MCEMP1: variants seen among roughly 807,000 people sequenced by gnomAD.
MCEMP1 encodes mast cell expressed membrane protein 1, also known as mast cell-expressed membrane protein 1.
A neutral mutation model predicts 27.9 loss-of-function variants in MCEMP1; 17 were observed. The ratio of observed to expected loss-of-function variants is 0.61; its 90% CI spans 0.42 to 0.91. The LOEUF (loss-of-function observed/expected upper bound fraction) is 0.91. MCEMP1 is among the 40% of genes least tolerant of loss of function. MCEMP1 has a pLI of 0.00. For missense variants in MCEMP1, 200 were observed against 204.8 expected, an observed-to-expected ratio of 0.98 and a Z score of 0.14; for synonymous variants, 88 against 76.9, an observed-to-expected ratio of 1.14 and a Z score of -0.76.
Position 7,677,527 on chromosome 19 carries a change from C to A in MCEMP1, c.56-110C>A. The A allele has an allele frequency of 1.8e-6, 2 of 1,133,342 alleles. No individual in the cohort carries two copies. The highest frequency in any genetic ancestry group is 1.3e-6 in the Non-Finnish European group (1 of 750,618). 70.2% of individuals were successfully genotyped at this position (1,133,342 alleles called of 1,614,324 possible). A position where few individuals can be genotyped will look rare whatever the true frequency, so the allele number is the denominator to read the frequency against. ...AAAAGCAGATTTTAGCTTCTCACTC[C>A]TTATCTTTCACCCCCTACAATTTAT... On this transcript the variant is annotated intron_variant, in intron 1 of 6. Transcript: ENST00000333598. The surrounding 1 kb of genome is among the most constrained non-coding windows in gnomAD (Gnocchi z 4.6).
At position 7,679,193 on chromosome 19, in the gene MCEMP1, C is replaced by A. The variant is rs868184113; in HGVS notation, c.*79C>A. On this transcript the variant is annotated 3_prime_UTR_variant, in exon 7 of 7. Transcript: ENST00000333598. The surrounding 1 kb of genome is among the most constrained non-coding windows in gnomAD (Gnocchi z 4.9). The stretch of plus-strand genomic sequence containing the variant: ...TGCCAACGAAGACGGGAAATGACCC[C>A]CCCCCCCCAGCCTAGTGTGAACCTG... 2.0e-3 allele frequency: 2,750 copies of A among 1,370,176 alleles called. 26 individuals are homozygous for A. The African/African-American group carries it at 0.029, about 15-fold the overall frequency. 84.9% of individuals were successfully genotyped at this position (1,370,176 alleles called of 1,614,324 possible).
chr19:7,678,433 T>C lies in MCEMP1; in HGVS notation c.334+33T>C, dbSNP rs755194931. The C allele has an allele frequency of 6.2e-7, 1 of 1,613,572 alleles. No homozygotes were observed. The highest frequency in any genetic ancestry group is 8.5e-7 in the Non-Finnish European group (1 of 1,179,846). On this transcript the variant is annotated intron_variant, in intron 4 of 6. Transcript: ENST00000333598. The surrounding 1 kb of genome is among the most constrained non-coding windows in gnomAD (Gnocchi z 4.8). ...GAGGGTCTGAGGGAGACCCGTGGGG[T>C]CATGGTGGGGGTCTGGAGAGGGATG...
Position 7,677,196 on chromosome 19 carries a change from AG to A in MCEMP1, c.55+24del. ...TCAAGGTTAGGGAACTCGAGGTGGA[AG>A]GGAGGGGTTAAGAAGGAGAGATTGG... On this transcript the variant is annotated intron_variant, in intron 1 of 6. Coordinates refer to ENST00000333598, the MANE Select transcript of MCEMP1 (RefSeq NM_174918.3). The surrounding 1 kb of genome is among the most constrained non-coding windows in gnomAD (Gnocchi z 4.6). The A allele has an allele frequency of 1.9e-6, 3 of 1,560,594 alleles. No individual in the cohort carries two copies. The highest frequency in any genetic ancestry group is 2.6e-6 in the Non-Finnish European group (3 of 1,149,526).
Position 7,677,976 on chromosome 19 carries a change from C to A in MCEMP1, c.146-128C>A. ...GTGGCAGTGTTGTTGACGATGATGA[C>A]AAGCTGCATGACCACAGCTGCTGAT... On this transcript the variant is annotated intron_variant, in intron 2 of 6. Coordinates refer to ENST00000333598, the MANE Select transcript of MCEMP1 (RefSeq NM_174918.3). This position sits in a 1 kb window ranked among gnomAD's most constrained non-coding sequence, Gnocchi z 4.6. 1 of 1,389,506 alleles carries A rather than the reference C, an allele frequency of 7.2e-7. No individual in the cohort carries two copies. Among genetic ancestry groups the A allele is most frequent in the Non-Finnish European group, 9.7e-7 (1 of 1,027,128 alleles). 86.1% of individuals were successfully genotyped at this position (1,389,506 alleles called of 1,614,324 possible). A position where few individuals can be genotyped will look rare whatever the true frequency, so the allele number is the denominator to read the frequency against.
chr19:7,677,429 ATGTGTGGATGTG>A lies in MCEMP1; in HGVS notation c.56-188_56-177del, dbSNP rs1415991744. On this transcript the variant is annotated intron_variant, in intron 1 of 6. Coordinates refer to ENST00000333598, the MANE Select transcript of MCEMP1 (RefSeq NM_174918.3). This position sits in a 1 kb window ranked among gnomAD's most constrained non-coding sequence, Gnocchi z 4.6. ...GGCCGGGGGCTCCTTCCCCTCCAAG[ATGTGTGGATGTG>A]TGTGTGGATGTGTGTGTGGTGTGAT... Among the ~76,000 whole-genome samples the A allele has an allele frequency of 6.9e-6, 1 of 145,654 alleles. No individual in the cohort carries two copies. The highest frequency in any genetic ancestry group is 2.6e-5 in the African/African-American group (1 of 38,910).
Position 7,677,555 on chromosome 19 carries a change from A to G in MCEMP1, c.56-82A>G, listed in dbSNP as rs751631947. The G allele has an allele frequency of 2.3e-6, 3 of 1,307,136 alleles. No individual in the cohort carries two copies. The highest frequency in any genetic ancestry group is 3.3e-6 in the Non-Finnish European group (3 of 904,468). The allele number at this position is 1,307,136 out of a possible 1,614,324, so 81.0% of individuals were successfully genotyped here. ...ATCTTTCACCCCCTACAATTTATTG[A>G]GTGCAAAGGGTTGGGTAAAACAAGA... On this transcript the variant is annotated intron_variant, in intron 1 of 6. Transcript: ENST00000333598. This position sits in a 1 kb window ranked among gnomAD's most constrained non-coding sequence, Gnocchi z 4.6.
Position 7,678,706 on chromosome 19 carries a change from C to A in MCEMP1, c.448+102C>A. 1.6e-6 allele frequency: 2 copies of A among 1,254,204 alleles called. No individual in the cohort carries two copies. Among genetic ancestry groups the A allele is most frequent in the Non-Finnish European group, 2.3e-6 (2 of 878,484 alleles). The allele number at this position is 1,254,204 out of a possible 1,614,324, so 77.7% of individuals were successfully genotyped here. A position where few individuals can be genotyped will look rare whatever the true frequency, so the allele number is the denominator to read the frequency against. On this transcript the variant is annotated intron_variant, in intron 5 of 6. Coordinates refer to ENST00000333598, the MANE Select transcript of MCEMP1 (RefSeq NM_174918.3). This position sits in a 1 kb window ranked among gnomAD's most constrained non-coding sequence, Gnocchi z 4.8. ...GGGGAGGAGAAAGCCGGGGTCCTAC[C>A]CTCCCAAAGCTCAAGTTGTGGAGGG...
chr19:7,677,241 T>C lies in MCEMP1; in HGVS notation c.55+66T>C. 7.1e-7 allele frequency: 1 copy of C among 1,405,474 alleles called. No individual in the cohort carries two copies. The highest frequency in any genetic ancestry group is 9.8e-7 in the Non-Finnish European group (1 of 1,018,636). The allele number at this position is 1,405,474 out of a possible 1,614,324, so 87.1% of individuals were successfully genotyped here. A position where few individuals can be genotyped will look rare whatever the true frequency, so the allele number is the denominator to read the frequency against. On this transcript the variant is annotated intron_variant, in intron 1 of 6. Coordinates refer to ENST00000333598, the MANE Select transcript of MCEMP1 (RefSeq NM_174918.3). This position sits in a 1 kb window ranked among gnomAD's most constrained non-coding sequence, Gnocchi z 4.6. ...AGATTGGGGGGCCGGGGGCTTTTGC[T>C]CATGTCTGTAATCCTAGCACTTTGG...
chr19:7,678,473 CCT>C lies in MCEMP1; in HGVS notation c.335-17_335-16del. On this transcript the variant is annotated splice_polypyrimidine_tract_variant and intron_variant, in intron 4 of 6. Coordinates refer to ENST00000333598, the MANE Select transcript of MCEMP1 (RefSeq NM_174918.3). This position sits in a 1 kb window ranked among gnomAD's most constrained non-coding sequence, Gnocchi z 4.8. Reference sequence around the variant, plus strand: ...GGAGAGGGATGGATGCACAGACACCCCTGTTTCATGCCCTCAGTCTCAAACTC... The same window carrying C: ...GGAGAGGGATGGATGCACAGACACCCGTTTCATGCCCTCAGTCTCAAACTC... 1.2e-6 allele frequency: 2 copies of C among 1,613,708 alleles called. No individual in the cohort carries two copies. The highest frequency in any genetic ancestry group is 1.7e-6 in the Non-Finnish European group (2 of 1,179,698).
Position 7,677,724 on chromosome 19 carries a change from A to T in MCEMP1, c.143A>T (p.Gln48Leu). 6.2e-7 allele frequency: 1 copy of T among 1,603,160 alleles called. No individual in the cohort carries two copies. Among genetic ancestry groups the T allele is most frequent in the East Asian group, 2.2e-5 (1 of 44,838 alleles). The change falls in exon 2 of 7, where the codon CAA becomes CTA. Residue 48 changes from glutamine (Q) to leucine (L), a missense_variant and splice_region_variant. Physicochemically the swap from Gln to Leu is moderately radical, Grantham distance 113. Transcript: ENST00000333598. The surrounding 1 kb of genome is among the most constrained non-coding windows in gnomAD (Gnocchi z 4.6). ...AKGGHSRPTS[Q>L]VPAQCRPPSD... ...GGTGGTCATTCACGACCCACGAGCC[A>T]AGGTGAGCAGACACCCACCTGCTCA...
In MCEMP1 at chr19:7,679,132, C is replaced by T. The variant is rs1350002645; in HGVS notation, c.*18C>T. The T allele has an allele frequency of 3.2e-6, 5 of 1,585,448 alleles. No homozygotes were observed. The highest frequency in any genetic ancestry group is 2.3e-5 in the East Asian group (1 of 44,182). ...CTCAATAAATGAGAGGACATTGTGG[C>T]AGCCAAAGCCACAACTTGGAAGATG... On this transcript the variant is annotated 3_prime_UTR_variant, in exon 7 of 7. Coordinates refer to ENST00000333598, the MANE Select transcript of MCEMP1 (RefSeq NM_174918.3). The surrounding 1 kb of genome is among the most constrained non-coding windows in gnomAD (Gnocchi z 4.9).
rs1028517934 is a variant in MCEMP1, at chr19:7,678,685, A to G, written c.448+81A>G. ...GAGCTGGGGGCAGGGGATTCAGGGGAGGAGAAAGCCGGGGTCCTACCCTCC... is the reference window on the plus strand; with the variant it reads ...GAGCTGGGGGCAGGGGATTCAGGGGGGGAGAAAGCCGGGGTCCTACCCTCC... On this transcript the variant is annotated intron_variant, in intron 5 of 6. Coordinates refer to ENST00000333598, the MANE Select transcript of MCEMP1 (RefSeq NM_174918.3). The surrounding 1 kb of genome is among the most constrained non-coding windows in gnomAD (Gnocchi z 4.8). 1.4e-5 allele frequency: 19 copies of G among 1,397,714 alleles called. No individual in the cohort carries two copies. Among genetic ancestry groups the G allele is most frequent in the Non-Finnish European group, 1.9e-5 (19 of 998,828 alleles). 86.6% of individuals were successfully genotyped at this position (1,397,714 alleles called of 1,614,324 possible). A position where few individuals can be genotyped will look rare whatever the true frequency, so the allele number is the denominator to read the frequency against.
rs2146254457 is a variant in MCEMP1 at position 7,677,921 on chromosome 19, A to T, written c.146-183A>T. On this transcript the variant is annotated intron_variant, in intron 2 of 6. Coordinates refer to ENST00000333598, the MANE Select transcript of MCEMP1 (RefSeq NM_174918.3). This position sits in a 1 kb window ranked among gnomAD's most constrained non-coding sequence, Gnocchi z 4.6. ...GCTGGAGAGGGGGTCTGTGATGGTG[A>T]CGGTGTTAGATCGCTGAGGGTGGCT... 2 of 1,077,340 alleles carry T rather than the reference A, an allele frequency of 1.9e-6. No individual in the cohort carries two copies. Among genetic ancestry groups the T allele is most frequent in the East Asian group, 2.4e-5 (1 of 41,958 alleles). The allele number at this position is 1,077,340 out of a possible 1,614,324, so 66.7% of individuals were successfully genotyped here.
chr19:7,678,094 T>A lies in MCEMP1; in HGVS notation c.146-10T>A. 6.3e-7 allele frequency: 1 copy of A among 1,583,756 alleles called. No homozygotes were observed. Among genetic ancestry groups the A allele is most frequent in the Non-Finnish European group, 8.6e-7 (1 of 1,167,398 alleles). ...CCCCTCAAGGTCACTTTGCTGCCTC[T>A]TTGCTCCAGTCCCAGCCCAGTGCAG... On this transcript the variant is annotated splice_polypyrimidine_tract_variant and intron_variant, in intron 2 of 6. Coordinates refer to ENST00000333598, the MANE Select transcript of MCEMP1 (RefSeq NM_174918.3). The surrounding 1 kb of genome is among the most constrained non-coding windows in gnomAD (Gnocchi z 4.8).
rs2032593885 is a variant in MCEMP1 at position 7,679,247 on chromosome 19, G to A, written c.*133G>A. ...CTCGTCCCACGTATAGAAAAACCTC[G>A]AGTCATGGTGAATGAGTGTCTCGGA... is the stretch of plus-strand genomic sequence containing the variant. On this transcript the variant is annotated 3_prime_UTR_variant, in exon 7 of 7. Transcript: ENST00000333598. This position sits in a 1 kb window ranked among gnomAD's most constrained non-coding sequence, Gnocchi z 4.9. 7.1e-6 allele frequency: 8 copies of A among 1,125,884 alleles called. No homozygotes were observed. Among genetic ancestry groups the A allele is most frequent in the South Asian group, 3.3e-5 (2 of 60,988 alleles). The allele number at this position is 1,125,884 out of a possible 1,614,324, so 69.7% of individuals were successfully genotyped here.
Position 7,677,569 on chromosome 19 carries a change from G to A in MCEMP1, c.56-68G>A. On this transcript the variant is annotated intron_variant, in intron 1 of 6. Transcript: ENST00000333598. This position sits in a 1 kb window ranked among gnomAD's most constrained non-coding sequence, Gnocchi z 4.6. The stretch of plus-strand genomic sequence containing the variant: ...ACAATTTATTGAGTGCAAAGGGTTG[G>A]GTAAAACAAGATCCCGGATCCACTC... The A allele has an allele frequency of 1.4e-6, 2 of 1,429,120 alleles. No individual in the cohort carries two copies. Among genetic ancestry groups the A allele is most frequent in the Non-Finnish European group, 2.0e-6 (2 of 1,012,162 alleles). 88.5% of individuals were successfully genotyped at this position (1,429,120 alleles called of 1,614,324 possible). A position where few individuals can be genotyped will look rare whatever the true frequency, so the allele number is the denominator to read the frequency against.
In MCEMP1 at chr19:7,679,810, A is replaced by G. The variant is rs1310730958; in HGVS notation, c.*696A>G. The stretch of plus-strand genomic sequence containing the variant: ...CACATTTTGTGACTTATGAAGATAA[A>G]TAAAGTCAAGGGAAAACAGCGTCGC... On this transcript the variant is annotated 3_prime_UTR_variant, in exon 7 of 7. Transcript: ENST00000333598. This position sits in a 1 kb window ranked among gnomAD's most constrained non-coding sequence, Gnocchi z 4.9. The G allele has an allele frequency of 6.6e-6, 1 of 152,176 alleles. No homozygotes were observed. The highest frequency in any genetic ancestry group is 2.4e-5 in the African/African-American group (1 of 41,404). 9.4% of individuals were successfully genotyped at this position (152,176 alleles called of 1,614,324 possible).
In MCEMP1 at chr19:7,677,848, C is replaced by T; in HGVS notation, c.145+122C>T. The T allele has an allele frequency of 9.1e-7, 1 of 1,098,738 alleles. No homozygotes were observed. The highest frequency in any genetic ancestry group is 1.3e-6 in the Non-Finnish European group (1 of 761,088). 68.1% of individuals were successfully genotyped at this position (1,098,738 alleles called of 1,614,324 possible). ...GCGATGGGGAAGGAAGAGGTGACAGCTGTTGACGTGCTAATGAGGTCTGTT... is the reference window on the plus strand; with the variant it reads ...GCGATGGGGAAGGAAGAGGTGACAGTTGTTGACGTGCTAATGAGGTCTGTT... On this transcript the variant is annotated intron_variant, in intron 2 of 6. Coordinates refer to ENST00000333598, the MANE Select transcript of MCEMP1 (RefSeq NM_174918.3). The surrounding 1 kb of genome is among the most constrained non-coding windows in gnomAD (Gnocchi z 4.6).
chr19:7,678,861 T>C lies in MCEMP1; in HGVS notation c.449-63T>C, dbSNP rs1163431283. The stretch of plus-strand genomic sequence containing the variant: ...GGGTGCTTCCAAGGAAGGTGGGGGC[T>C]TTGTTTGAGGCTCCACCGCAGCTTG... On this transcript the variant is annotated intron_variant, in intron 5 of 6. Transcript: ENST00000333598. This position sits in a 1 kb window ranked among gnomAD's most constrained non-coding sequence, Gnocchi z 4.8. 1 of 1,462,122 alleles carries C rather than the reference T, an allele frequency of 6.8e-7. No individual in the cohort carries two copies. The highest frequency in any genetic ancestry group is 9.3e-7 in the Non-Finnish European group (1 of 1,074,726). 90.6% of individuals were successfully genotyped at this position (1,462,122 alleles called of 1,614,324 possible). A position where few individuals can be genotyped will look rare whatever the true frequency, so the allele number is the denominator to read the frequency against.
Sources: allele counts gnomAD v4.1 joint callset (sites outside exome capture counted in the v4.1 genomes callset), GRCh38; gene constraint gnomAD v4.1.1; non-coding constraint Gnocchi (gnomAD v3.1); transcripts MANE v1.5; gene names NCBI Gene and HGNC (gene_info 2026-07-23, HGNC 2026-07-21).